Variants in DPH6 observed in about 807,000 individuals in gnomAD.
The protein encoded by DPH6 is diphthine--ammonia ligase.
Under a neutral mutation model 38.2 loss-of-function variants are expected in DPH6, and 33 were observed. The observed-to-expected ratio is 0.86, with a 90% CI of 0.65 to 1.15. The LOEUF (loss-of-function observed/expected upper bound fraction) is 1.15, where lower values mean the gene tolerates loss of function less well. Among genes scored for constraint, DPH6 ranks in the 50% most tolerant of loss-of-function variants. DPH6 has a pLI of 0.00. For missense variants in DPH6, 325 were observed against 320.0 expected (o/e 1.02, Z -0.12); for synonymous variants, 108 against 103.0 (o/e 1.05, Z -0.30).
chr15:35,290,328 T>A (rs2051971940), intron 3 of DPH6, among the ~76,000 whole-genome samples: 1 of 152,180 alleles, frequency 6.6e-6, no homozygotes, highest in Non-Finnish European at 1.5e-5. Flanking sequence ...GATGTGAACA[T>A]CATTTCTGCA....
chr15:35,270,978 G>C (rs1242126450), intron 3 of DPH6, among the ~76,000 whole-genome samples: 3 of 152,160 alleles, frequency 2.0e-5, no homozygotes, highest in African/African-American at 7.2e-5. Context: ...ATAGAAATGG[G>C]AGCTGAAGCG....
intron 5 of DPH6, among the ~76,000 whole-genome samples, chr15:35,432,739 G>T (rs2053648083): frequency 6.6e-6 from 1 of 152,066 alleles, no homozygotes; most frequent in East Asian, 1.9e-4. Context: ...TCTTGAGAAA[G>T]GTACTGAAGA....
intron 3 of DPH6, among the ~76,000 whole-genome samples, chr15:35,353,590 AGAT>A (rs1260445429): frequency 1.3e-5 from 2 of 152,176 alleles, no homozygotes; most frequent in African/African-American, 4.8e-5. Context: ...AGATAGTTGT[AGAT>A]ATGTGGCGTT....
chr15:35,401,831 A>G (rs2053224186), intron 6 of DPH6: 2 of 538,882 alleles, frequency 3.7e-6, no homozygotes, highest in East Asian at 8.8e-5. Flanking sequence ...GCGAAACTAC[A>G]GGTTATAACA....
In DPH6 at chr15:35,477,330, A is replaced by AAG. The variant is rs541593573; in HGVS notation, c.313-22511_313-22510insCT. 3.5e-4 allele frequency among the ~76,000 whole-genome samples: 53 copies of AAG among 151,934 alleles called. No individual in the cohort carries two copies. In the East Asian group the frequency reaches 8.1e-3, roughly 23 times the overall value. ...GAGGGGAGTGGATTTTCTCTTAAAT[A>AAG]TTAACTTGGAGTTGTTGCACTTTGT... is the stretch of plus-strand genomic sequence containing the variant. On this transcript the variant is annotated intron_variant, in intron 3 of 8. Coordinates refer to ENST00000256538, the MANE Select transcript of DPH6 (RefSeq NM_080650.4).
intron 4 of DPH6, among the ~76,000 whole-genome samples, chr15:35,451,265 A>G (rs1276459216): frequency 6.6e-6 from 1 of 152,200 alleles, no homozygotes; most frequent in African/African-American, 2.4e-5. Context: ...ATTTGAATAA[A>G]AAGAAAATAG....
intron 3 of DPH6, among the ~76,000 whole-genome samples, chr15:35,302,256 A>G (rs1309003227): frequency 6.6e-6 from 1 of 152,190 alleles, no homozygotes; most frequent in African/African-American, 2.4e-5. Context: ...TATTTTCTGT[A>G]TAACCCATTT....
At chr15:35,498,425 G>T (rs1013665508) in intron 3 of DPH6, among the ~76,000 whole-genome samples, 1 of 151,986 alleles carries the variant, frequency 6.6e-6, no homozygotes, top group Non-Finnish European at 1.5e-5. Flanking sequence ...GAATTCTCTT[G>T]TTCCTTTATT....
exon 4 of DPH6, chr15:35,220,279 C>T (rs936025435): frequency 1.3e-5 from 2 of 152,166 alleles, no homozygotes; most frequent in Non-Finnish European, 2.9e-5. Flanking sequence ...GGTCCCACAT[C>T]ACCTCCCAAC....
chr15:35,165,959 T>A, the DPH6 span, among the ~76,000 whole-genome samples: 2 of 151,958 alleles, frequency 1.3e-5, no homozygotes, highest in African/African-American at 4.8e-5. Flanking sequence ...GGGGGCAGGT[T>A]TCTTACAGTA....
intron 3 of DPH6, among the ~76,000 whole-genome samples, chr15:35,244,119 T>C (rs1479315201): frequency 2.0e-5 from 3 of 151,476 alleles, no homozygotes; most frequent in African/African-American, 7.4e-5. Context: ...TATACAAATG[T>C]CAATTTTTTA....
chr15:35,434,986 C>T (rs1448041068), intron 5 of DPH6, among the ~76,000 whole-genome samples: 1 of 151,224 alleles, frequency 6.6e-6, no homozygotes, highest in African/African-American at 2.4e-5. Flanking sequence ...GTTGCCCAAG[C>T]TGATCTTGAA....
At chr15:35,298,873 TA>T in intron 3 of DPH6, 2 of 987,880 alleles carry the variant, frequency 2.0e-6, no homozygotes, top group Non-Finnish European at 1.6e-6. Context: ...GTCCTCTTCA[TA>T]AGGAAAATCT....
chr15:35,390,283 T>C (rs1170872929), intron 6 of DPH6, among the ~76,000 whole-genome samples: 1 of 152,232 alleles, frequency 6.6e-6, no homozygotes, highest in Non-Finnish European at 1.5e-5. Flanking sequence ...CATTTTTTCC[T>C]TCATTTCAAC....
At chr15:35,258,128 T>C (rs1187004461) in intron 3 of DPH6, among the ~76,000 whole-genome samples, 1 of 152,162 alleles carries the variant, frequency 6.6e-6, no homozygotes, top group African/African-American at 2.4e-5. Context: ...GTTATTCTTG[T>C]TTTTAATTTG....
intron 3 of DPH6, among the ~76,000 whole-genome samples, chr15:35,309,741 C>T (rs1470098714): frequency 2.0e-5 from 3 of 152,158 alleles, no homozygotes; most frequent in Non-Finnish European, 2.9e-5. Flanking sequence ...ATTTTCTGAA[C>T]AGTGATCTTA....
chr15:35,171,078 G>C, the DPH6 span, among the ~76,000 whole-genome samples: 237 of 152,340 alleles, frequency 1.6e-3, 1 homozygote, highest in African/African-American at 5.4e-3. Flanking sequence ...ATCAGATAGG[G>C]AGTTAGAAGG....
At chr15:35,373,820 T>G (rs1278091367) in intron 7 of DPH6, among the ~76,000 whole-genome samples, 2 of 152,004 alleles carry the variant, frequency 1.3e-5, no homozygotes, top group African/African-American at 4.8e-5. Context: ...ACAATGAGGC[T>G]TTCTATCTTC....
At chr15:35,367,142 T>C (rs1265476396), downstream of DPH6, among the ~76,000 whole-genome samples, 1 of 151,754 alleles carries the variant, frequency 6.6e-6, no homozygotes, top group East Asian at 1.9e-4. Flanking sequence ...TATATAATTG[T>C]CCCAGGAAAT....
Sources: allele counts gnomAD v4.1 joint callset (sites outside exome capture counted in the v4.1 genomes callset), GRCh38; gene constraint gnomAD v4.1.1; transcripts MANE v1.5; gene names NCBI Gene and HGNC (gene_info 2026-07-23, HGNC 2026-07-21).